Variants in TRPM7 observed in about 807,000 individuals in gnomAD.
TRPM7 encodes the protein LTRPC ion channel family member 7.
In TRPM7, 134 loss-of-function variants were observed where a neutral mutation model predicts 229.7. The observed-to-expected ratio is 0.58, with a 90% CI of 0.51 to 0.67. TRPM7 has a LOEUF of 0.67. TRPM7 is among the 30% of genes least tolerant of loss of function. The pLI is 0.00. For synonymous variants in TRPM7, 699 were observed against 715.2 expected, an observed-to-expected ratio of 0.98 and a Z score of 0.36; for missense variants, 1,901 against 2,210.0, an observed-to-expected ratio of 0.86 and a Z score of 2.80.
intron 33 of TRPM7, 109 bp from the exon 34 acceptor site, chr15:50,575,244 G>C (rs16963775): frequency 0.044 from 38,614 of 879,368 alleles, 1,272 homozygotes; most frequent in African/African-American, 0.13. Flanking sequence ...AGATAAAATG[G>C]ACCAAGATGT....
rs2053243077 is a variant in TRPM7, at chr15:50,559,839, C to G, written c.*1839G>C. The G allele has an allele frequency of 1.3e-5, 2 of 151,662 alleles. No homozygotes were observed. Among genetic ancestry groups the G allele is most frequent in the Non-Finnish European group, 2.9e-5 (2 of 67,956 alleles). The allele number at this position is 151,662 out of a possible 1,614,324, so 9.4% of individuals were successfully genotyped here. On this transcript the variant is annotated 3_prime_UTR_variant, in exon 39 of 39. Transcript: ENST00000646667. ...ACCACACTGGCCAACATAGTGAAAC[C>G]CTGTCTCTACTAAAAATATAAAAAT...
chr15:50,594,660 C>A, intron 23 of TRPM7, 47 bp from the exon 24 acceptor site: 1 of 1,313,564 alleles, frequency 7.6e-7, no homozygotes, highest in South Asian at 1.5e-5. Flanking sequence ...TTAATCATCT[C>A]TTAAAGTTTT....
chr15:50,635,205 T>G (rs1012718647), intron 7 of TRPM7, among the ~76,000 whole-genome samples: 1 of 150,192 alleles, frequency 6.7e-6, no homozygotes, highest in Non-Finnish European at 1.5e-5. Flanking sequence ...TAGTCCCAGC[T>G]ACTCAGGAGG....
intron 26 of TRPM7, among the ~76,000 whole-genome samples, chr15:50,590,815 C>T (rs2059469534): frequency 7.3e-6 from 1 of 136,426 alleles, no homozygotes; most frequent in Admixed American, 8.0e-5. Flanking sequence ...CAGAGGGAGA[C>T]TCCGTCTTTT....
chr15:50,588,125 T>C (rs962468823), intron 27 of TRPM7: 2 of 668,978 alleles, frequency 3.0e-6, no homozygotes, highest in Non-Finnish European at 3.7e-6. Flanking sequence ...ATTTCCTCCA[T>C]CTAAAAGCAC....
chr15:50,642,662 T>C lies in TRPM7; in HGVS notation c.535+678A>G, dbSNP rs1260987546. On this transcript the variant is annotated intron_variant, in intron 5 of 38. Coordinates refer to ENST00000646667, the MANE Select transcript of TRPM7 (RefSeq NM_017672.6). Reference sequence around the variant, plus strand: ...ACCATGATTATAAATTTCCTGAGGCTCCCTAGTCATGCTGAACTGTGGGTC... The same window carrying C: ...ACCATGATTATAAATTTCCTGAGGCCCCCTAGTCATGCTGAACTGTGGGTC... 2.6e-5 allele frequency among the ~76,000 whole-genome samples: 4 copies of C among 152,180 alleles called. No individual in the cohort carries two copies. The East Asian group carries it at 7.7e-4, about 29-fold the overall frequency.
rs766337361 is a variant in TRPM7, at chr15:50,592,241, G to C, written c.3994C>G (p.Gln1332Glu). ...CTCTGGGGTACTGCAGGTAAGTCTT[G>C]ACCAAATATATTACACTGGGGATCT... ...DKDPQCNIFG[Q>E]DLPAVPQRKE... is the part of the protein sequence containing the mutation. The change falls in exon 26 of 39, where the codon CAA (glutamine) becomes GAA (glutamate). Residue 1332 changes from glutamine (Q) to glutamate (E), a missense_variant. By Grantham distance (29) the Gln-to-Glu change is conservative. Coordinates refer to ENST00000646667, the MANE Select transcript of TRPM7 (RefSeq NM_017672.6). 3.7e-6 allele frequency: 6 copies of C among 1,614,076 alleles called. No homozygotes were observed. The highest frequency in any genetic ancestry group is 3.3e-5 in the Admixed American group (2 of 60,002).
intron 12 of TRPM7, among the ~76,000 whole-genome samples, chr15:50,621,157 C>CAAAAAAAAA (rs35848629): frequency 1.9e-5 from 1 of 51,828 alleles, no homozygotes; most frequent in South Asian, 1.1e-3. Flanking sequence ...GACTCCGTCT[C>CAAAAAAAAA]AAAAAAAAAA....
At chr15:50,603,247 T>C (rs962280600) in intron 21 of TRPM7, among the ~76,000 whole-genome samples, 2 of 152,154 alleles carry the variant, frequency 1.3e-5, no homozygotes, top group East Asian at 1.9e-4. Flanking sequence ...AATCTTGTTT[T>C]CAAGATGCGA....
chr15:50,575,773 G>C lies in TRPM7; in HGVS notation c.4686C>G (p.Asn1562Lys). Residue 1562 changes from asparagine (N) to lysine (K), a missense_variant, in exon 33 of 39, where the codon AAC becomes AAG. This residue lies in a region of TRPM7 where 533 missense variants were observed against 497.1 expected (regional missense o/e 1.07). Transcript: ENST00000646667. ...GAATGCTCTGTGATAACCTCATCAA[G>C]TTATTTCTTTCCACAGCTGCATAAA... ...NYYYSAVERN[N>K]LMRLSQSIPF... 1 of 1,613,468 alleles carries C rather than the reference G, an allele frequency of 6.2e-7. No individual in the cohort carries two copies. Among genetic ancestry groups the C allele is most frequent in the Non-Finnish European group, 8.5e-7 (1 of 1,179,748 alleles).
At chr15:50,631,161 T>C (rs2060717759) in intron 10 of TRPM7, among the ~76,000 whole-genome samples, 1 of 152,152 alleles carries the variant, frequency 6.6e-6, no homozygotes, top group Admixed American at 6.5e-5. Context: ...GACTATTAAA[T>C]AGGTTTGGTG....
chr15:50,614,302 A>G (rs1596197447), intron 13 of TRPM7, 39 bp from the exon 14 acceptor site: 1 of 1,536,380 alleles, frequency 6.5e-7, no homozygotes, highest in Non-Finnish European at 8.8e-7. Context: ...ATCAGATAGC[A>G]CTTCTCAATA....
At chr15:50,672,889 ACT>A (rs1245167045) in intron 1 of TRPM7, among the ~76,000 whole-genome samples, 9 of 112,268 alleles carry the variant, frequency 8.0e-5, no homozygotes, top group Non-Finnish European at 1.5e-4. Flanking sequence ...ACAGAGTGAG[ACT>A]CTGTCTCAAA....
At chr15:50,673,456 G>A (rs566809631) in intron 1 of TRPM7, among the ~76,000 whole-genome samples, 9 of 152,078 alleles carry the variant, frequency 5.9e-5, no homozygotes, top group Non-Finnish European at 1.2e-4. Context: ...AAAGTCCATT[G>A]TGTCATTCTT....
chr15:50,585,967 T>C (rs1032202965), intron 28 of TRPM7, among the ~76,000 whole-genome samples: 14 of 151,982 alleles, frequency 9.2e-5, no homozygotes, highest in Non-Finnish European at 2.1e-4. Context: ...GGTAGACAAA[T>C]AGTGGTAAAT....
In TRPM7 at chr15:50,560,105, C is replaced by A. The variant is rs1196026760; in HGVS notation, c.*1573G>T. On this transcript the variant is annotated 3_prime_UTR_variant, in exon 39 of 39. Transcript: ENST00000646667. ...AAAAATCAACAGACAGCCCATATTG[C>A]CCTTTTTTGGCCTAACAAAAAACAG... 5 of 151,390 alleles carry A rather than the reference C, an allele frequency of 3.3e-5. No individual in the cohort carries two copies. Among genetic ancestry groups the A allele is most frequent in the Admixed American group, 1.3e-4 (2 of 15,208 alleles). 9.4% of individuals were successfully genotyped at this position (151,390 alleles called of 1,614,324 possible).
At chr15:50,613,678 C>A in intron 15 of TRPM7, 29 bp downstream of exon 15, 3 of 1,469,464 alleles carry the variant, frequency 2.0e-6, no homozygotes, top group South Asian at 1.4e-5. Flanking sequence ...AATAAAAACC[C>A]AGAAAGAATA....
At chr15:50,573,878 G>C (rs1220177882) in intron 36 of TRPM7, among the ~76,000 whole-genome samples, 1 of 152,100 alleles carries the variant, frequency 6.6e-6, no homozygotes, top group Non-Finnish European at 1.5e-5. Context: ...GGCCAACATG[G>C]TGAAACCTTG....
At chr15:50,643,901 T>A (rs1043044824) in intron 4 of TRPM7, among the ~76,000 whole-genome samples, 10 of 151,816 alleles carry the variant, frequency 6.6e-5, no homozygotes, top group Non-Finnish European at 1.2e-4. Context: ...TTAGAAACAT[T>A]AAGACTGGCT....
Sources: gnomAD v4.1 joint callset for allele counts (sites outside exome capture counted in the v4.1 genomes callset) on GRCh38, gnomAD v4.1.1 for gene constraint, gnomAD v4.1.1 regional missense constraint, MANE v1.5 for transcripts, NCBI Gene and HGNC (gene_info 2026-07-23, HGNC 2026-07-21) for gene names.